Variants in NUMA1 observed in about 807,000 individuals in gnomAD.
NUMA1 encodes nuclear mitotic apparatus protein 1, also known as SP-H antigen.
Under a neutral mutation model 237.1 loss-of-function variants are expected in NUMA1, and 62 were observed. That is an observed-to-expected ratio of 0.26 (90% CI 0.21 to 0.32). The LOEUF is 0.32. Among genes scored for constraint, NUMA1 ranks in the 10% least tolerant of loss-of-function variants. The pLI is 1.00. For synonymous variants in NUMA1, 1,028 were observed against 1,066.1 expected, an observed-to-expected ratio of 0.96 and a Z score of 0.70; for missense variants, 2,533 against 2,666.5, an observed-to-expected ratio of 0.95 and a Z score of 1.10.
In NUMA1 at chr11:72,012,898, G is replaced by C. The variant is rs762815476; in HGVS notation, c.4605C>G (p.Ala1535=). 6.2e-7 allele frequency: 1 copy of C among 1,613,578 alleles called. No homozygotes were observed. Among genetic ancestry groups the C allele is most frequent in the Admixed American group, 1.7e-5 (1 of 59,998 alleles). ...GTGGTTGGGCTGAGTACCTTACCTGGGCAGTGAGTTTCTGCCTCTCTTCCT... is the reference window on the plus strand; with the variant it reads ...GTGGTTGGGCTGAGTACCTTACCTGCGCAGTGAGTTTCTGCCTCTCTTCCT... The part of the protein sequence containing the change: ...RFQEERQKLT[A]QVEQLEVFQR... The change falls in exon 15 of 27, where the codon GCC becomes GCG. Residue 1535 remains alanine, a synonymous_variant. Coordinates refer to ENST00000393695, the MANE Select transcript of NUMA1 (RefSeq NM_006185.4).
In NUMA1 at chr11:72,004,317, G is replaced by A. The variant is rs1226763750; in HGVS notation, c.6031C>T (p.Pro2011Ser). The A allele has an allele frequency of 1.9e-6, 3 of 1,613,002 alleles. No individual in the cohort carries two copies. Among genetic ancestry groups the A allele is most frequent in the Non-Finnish European group, 2.5e-6 (3 of 1,179,812 alleles). ...CGGTCTCGGGGAGTCATGGGGCGTG[G>A]GAAACAGCTGGTGGCCTTCTTAGAC... Reference protein sequence around the residue: ...PESKKATSCFPRPMTPRDRHE... With the variant: ...PESKKATSCFSRPMTPRDRHE... Residue 2011 changes from proline to serine, a missense_variant, in exon 25 of 27, where the codon CCA becomes TCA. Pro to Ser is a moderately conservative substitution (Grantham distance 74). Coordinates refer to ENST00000393695, the MANE Select transcript of NUMA1 (RefSeq NM_006185.4).
intron 2 of NUMA1, among the ~76,000 whole-genome samples, chr11:72,052,946 G>A (rs1489838009): frequency 6.6e-6 from 1 of 152,188 alleles, no homozygotes; most frequent in Non-Finnish European, 1.5e-5. Context: ...GGAATGGTAA[G>A]ACACAGGAGG....
intron 22 of NUMA1, 42 bp from the exon 23 acceptor site, chr11:72,005,411 G>A (rs766778126): frequency 3.0e-5 from 47 of 1,589,218 alleles, no homozygotes; most frequent in Middle Eastern, 3.3e-4. Context: ...GCCTGGAGTC[G>A]GCAGGTCACC....
At chr11:72,066,306 A>C (rs984318020) in intron 2 of NUMA1, 2 of 152,212 alleles carry the variant, frequency 1.3e-5, no homozygotes, top group African/African-American at 4.8e-5. Context: ...CTCAAGAAAA[A>C]AAAAAAAAAA....
At chr11:72,055,957 AATACAC>A (rs1471655143) in intron 2 of NUMA1, among the ~76,000 whole-genome samples, 1 of 94,168 alleles carries the variant, frequency 1.1e-5, no homozygotes, top group African/African-American at 4.1e-5. Context: ...CTCTACTAAA[AATACAC>A]ATACACACAC....
In NUMA1 at chr11:72,013,095, C is replaced by T. The variant is rs1364729615; in HGVS notation, c.4408G>A (p.Asp1470Asn). The change falls in exon 15 of 27, where the codon GAC (aspartate) becomes AAC (asparagine). Residue 1470 changes from aspartate (D) to asparagine (N), a missense_variant. Physicochemically the swap from Asp to Asn is conservative, Grantham distance 23 (BLOSUM62 1). This residue lies in a region of NUMA1 where 324 missense variants were observed against 407.6 expected (regional missense o/e 0.79). Transcript: ENST00000393695. The surrounding 1 kb of genome is among the most constrained non-coding windows in gnomAD (Gnocchi z 6.8). ...LGRQFLEVEL[D>N]QAREKYVQEL... ...TGGACATACTTCTCCCGGGCCTGGT[C>T]CAACTCCACTTCCAGAAACTGCCGG... 1 of 1,614,108 alleles carries T rather than the reference C, an allele frequency of 6.2e-7. No homozygotes were observed. Among genetic ancestry groups the T allele is most frequent in the East Asian group, 2.2e-5 (1 of 44,904 alleles).
At chr11:72,073,998 A>C (rs1207695707) in intron 1 of NUMA1, among the ~76,000 whole-genome samples, 1 of 151,788 alleles carries the variant, frequency 6.6e-6, no homozygotes, top group African/African-American at 2.4e-5. Context: ...TCAAGACCAG[A>C]CTGGCCAACA....
At chr11:72,042,914 G>A (rs1340286542) in intron 2 of NUMA1, among the ~76,000 whole-genome samples, 2 of 151,476 alleles carry the variant, frequency 1.3e-5, no homozygotes, top group Non-Finnish European at 2.9e-5. Context: ...GAGAGTTGGA[G>A]ACCAGCCGGG....
At position 72,042,347 on chromosome 11, in the gene NUMA1, C is replaced by T. The variant is rs554905911; in HGVS notation, c.-32-6372G>A. ...ACAAAGATGAATTAAGCCCAGCATC[C>T]GCACTGAGGTAGGTTGTAATTCACA... On this transcript the variant is annotated intron_variant, in intron 2 of 26. Coordinates refer to ENST00000393695, the MANE Select transcript of NUMA1 (RefSeq NM_006185.4). 4.6e-5 allele frequency among the ~76,000 whole-genome samples: 7 copies of T among 152,240 alleles called. No individual in the cohort carries two copies. The East Asian group carries it at 1.2e-3, about 25-fold the overall frequency.
In NUMA1 at chr11:72,078,605, A is replaced by G. The variant is rs547286686; in HGVS notation, c.-103+1853T>C. On this transcript the variant is annotated intron_variant, in intron 1 of 26. Coordinates refer to ENST00000393695, the MANE Select transcript of NUMA1 (RefSeq NM_006185.4). Reference sequence around the variant, plus strand: ...ATTCTACGTTTCTTAACGAGCTTTCAGGTAAGATCTTTAAGCTTTTGGAAT... The same window carrying G: ...ATTCTACGTTTCTTAACGAGCTTTCGGGTAAGATCTTTAAGCTTTTGGAAT... Among the ~76,000 whole-genome samples, 8 of 152,374 alleles carry G rather than the reference A, an allele frequency of 5.3e-5. No individual in the cohort carries two copies. The South Asian group carries it at 6.2e-4, about 12-fold the overall frequency.
intron 22 of NUMA1, 74 bp from the exon 23 acceptor site, chr11:72,005,443 A>C: frequency 6.8e-7 from 1 of 1,471,146 alleles, no homozygotes; most frequent in Non-Finnish European, 9.3e-7. Context: ...GCATCTTGCC[A>C]GCCTTTGCTG....
At chr11:72,022,947 G>T (rs764140218) in intron 6 of NUMA1, 118 bp downstream of exon 6, 2 of 714,130 alleles carry the variant, frequency 2.8e-6, no homozygotes, top group Non-Finnish European at 2.5e-6. Flanking sequence ...ACGTACTAGA[G>T]CCCCAGAAAT....
At chr11:72,024,629 A>G (rs75670662) in intron 4 of NUMA1, 14,565 of 452,758 alleles carry the variant, frequency 0.032, 275 homozygotes, top group East Asian at 0.065. Flanking sequence ...AGCTCTGTGG[A>G]AAGGGGCCGA....
At chr11:72,010,632 C>T (rs763079399) in intron 17 of NUMA1, among the ~76,000 whole-genome samples, 154 bp downstream of exon 17, 14 of 152,210 alleles carry the variant, frequency 9.2e-5, no homozygotes, top group Non-Finnish European at 2.9e-5. Context: ...CCAGAAGACA[C>T]ATGCAGGGGC....
intron 2 of NUMA1, among the ~76,000 whole-genome samples, chr11:72,047,516 T>C (rs1327320341): frequency 1.7e-4 from 26 of 151,776 alleles, no homozygotes; most frequent in Non-Finnish European, 2.9e-5. Flanking sequence ...AACAAATAAG[T>C]ACTAGGAGAG....
At chr11:72,043,357 CTTTTTTTTT>C (rs35559801) in intron 2 of NUMA1, among the ~76,000 whole-genome samples, 1 of 105,656 alleles carries the variant, frequency 9.5e-6, no homozygotes, top group African/African-American at 3.6e-5. Flanking sequence ...AGGCGGAGTT[CTTTTTTTTT>C]TTTTTTTTTT....
chr11:72,026,503 C>T (rs545082633), intron 4 of NUMA1, among the ~76,000 whole-genome samples: 5 of 152,352 alleles, frequency 3.3e-5, no homozygotes, highest in East Asian at 1.9e-4. Flanking sequence ...ATCAAACAGA[C>T]GGGACAGCCT....
chr11:72,041,360 A>G (rs1214657846), intron 2 of NUMA1: 1 of 152,426 alleles, frequency 6.6e-6, no homozygotes, highest in Non-Finnish European at 1.5e-5. Flanking sequence ...GGCAGGCAAA[A>G]TTACTGAACT....
At chr11:72,040,441 C>T (rs1166726467) in intron 2 of NUMA1, among the ~76,000 whole-genome samples, 1 of 21,480 alleles carries the variant, frequency 4.7e-5, no homozygotes, top group Admixed American at 4.3e-4. Context: ...GGGGCGCGTA[C>T]ACATACACAC....
Sources: allele counts gnomAD v4.1 joint callset (sites outside exome capture counted in the v4.1 genomes callset), GRCh38; gene constraint gnomAD v4.1.1; regional missense constraint gnomAD v4.1.1; non-coding constraint Gnocchi (gnomAD v3.1); transcripts MANE v1.5; gene names NCBI Gene and HGNC (gene_info 2026-07-23, HGNC 2026-07-21).